FLOT2: variants seen among roughly 807,000 people sequenced by gnomAD.
FLOT2 encodes flotillin-2.
In FLOT2, 35 loss-of-function variants were observed where a neutral mutation model predicts 54.9. The ratio of observed to expected loss-of-function variants is 0.64; its 90% CI spans 0.49 to 0.84. The LOEUF is 0.84. FLOT2 is among the 40% of genes least tolerant of loss of function. The pLI is 0.00. For missense variants in FLOT2, 464 were observed against 572.1 expected, an observed-to-expected ratio of 0.81 and a Z score of 1.93; for synonymous variants, 207 against 228.9, an observed-to-expected ratio of 0.90 and a Z score of 0.86.
chr17:28,886,850 C>T (rs748078478), intron 2 of FLOT2, among the ~76,000 whole-genome samples: 17 of 152,182 alleles, frequency 1.1e-4, no homozygotes, highest in Non-Finnish European at 1.6e-4. Context: ...CAGGAGGGGC[C>T]ACCCCCACAG....
chr17:28,894,753 T>C (rs1322281632), intron 1 of FLOT2, among the ~76,000 whole-genome samples: 1 of 145,312 alleles, frequency 6.9e-6, no homozygotes, highest in Non-Finnish European at 1.5e-5. Context: ...GTGATCATGC[T>C]ACTGCACTCT....
intron 2 of FLOT2, among the ~76,000 whole-genome samples, chr17:28,888,062 CATG>C (rs2039579257): frequency 6.6e-6 from 1 of 152,198 alleles, no homozygotes; most frequent in African/African-American, 2.4e-5. Context: ...CTGGAATCTC[CATG>C]ATTTCCCCTG....
At position 28,880,280 on chromosome 17, in the gene FLOT2, A is replaced by T; in HGVS notation, c.*281T>A. On this transcript the variant is annotated 3_prime_UTR_variant, in exon 11 of 11. Transcript: ENST00000394908. ...CTTCAGCTTAATCTACATGATGTGC[A>T]TGGGGGAAAGAAAAAGACAGACAAA... is the stretch of plus-strand genomic sequence containing the variant. 7.5e-7 allele frequency: 1 copy of T among 1,340,492 alleles called. No individual in the cohort carries two copies. The highest frequency in any genetic ancestry group is 9.6e-7 in the Non-Finnish European group (1 of 1,044,484). The allele number at this position is 1,340,492 out of a possible 1,614,324, so 83.0% of individuals were successfully genotyped here.
rs372117540 is a variant in FLOT2 at position 28,881,321 on chromosome 17, C to T, written c.969G>A (p.Gly323=). Residue 323 remains glycine, a synonymous_variant, in exon 9 of 11, where the codon GGG becomes GGA. Coordinates refer to ENST00000394908, the MANE Select transcript of FLOT2 (RefSeq NM_004475.3). ...CCTCGATGACTGCCGCTTCCGCCTCCCCGATTTTGCGGATCTTCTCAGCCT... is the reference window on the plus strand; with the variant it reads ...CCTCGATGACTGCCGCTTCCGCCTCTCCGATTTTGCGGATCTTCTCAGCCT... ...QAEAEKIRKI[G]EAEAAVIEAM... 2 of 1,613,890 alleles carry T rather than the reference C, an allele frequency of 1.2e-6. No individual in the cohort carries two copies. The highest frequency in any genetic ancestry group is 1.3e-5 in the African/African-American group (1 of 75,062).
At chr17:28,888,666 C>G (rs2039589321) in intron 2 of FLOT2, among the ~76,000 whole-genome samples, 1 of 152,178 alleles carries the variant, frequency 6.6e-6, no homozygotes, top group South Asian at 2.1e-4. Flanking sequence ...CCTGAATTCT[C>G]TGGGACAGAA....
intron 1 of FLOT2, among the ~76,000 whole-genome samples, chr17:28,895,402 C>T (rs1357341836): frequency 6.6e-6 from 1 of 151,768 alleles, no homozygotes; most frequent in East Asian, 1.9e-4. Flanking sequence ...GAGATGCTTA[C>T]AAGCGTGCAT....
rs767986026 is a variant in FLOT2 at position 28,883,086 on chromosome 17, C to T, written c.346+22G>A. ...GGCTTAGGGGCCCCGTGAGGCTCCT[C>T]AAAGGCTGAACAGGGCCTCACCGAG... is the stretch of plus-strand genomic sequence containing the variant. On this transcript the variant is annotated intron_variant, in intron 4 of 10. Transcript: ENST00000394908. This position sits in a 1 kb window ranked among gnomAD's most constrained non-coding sequence, Gnocchi z 5.0. 1.2e-6 allele frequency: 2 copies of T among 1,613,302 alleles called. No homozygotes were observed. The highest frequency in any genetic ancestry group is 1.1e-5 in the South Asian group (1 of 91,076).
chr17:28,893,486 A>C (rs1443365047), intron 1 of FLOT2: 1 of 146,592 alleles, frequency 6.8e-6, no homozygotes, highest in Admixed American at 7.1e-5. Context: ...ATCACAGCTC[A>C]CTGCAGCTTT....
Position 28,883,267 on chromosome 17 carries a change from G to C in FLOT2, c.223-36C>G, listed in dbSNP as rs909791024. 6 of 1,612,514 alleles carry C rather than the reference G, an allele frequency of 3.7e-6. No individual in the cohort carries two copies. The African/African-American group carries it at 8.0e-5, about 22-fold the overall frequency. On this transcript the variant is annotated intron_variant, in intron 3 of 10. Transcript: ENST00000394908. This position sits in a 1 kb window ranked among gnomAD's most constrained non-coding sequence, Gnocchi z 5.0. ...CGACAAAGGCGCTTCAGCTAGGCTGGAGCGAGGCAGACAAAGGCCCCAGAC... is the reference window on the plus strand; with the variant it reads ...CGACAAAGGCGCTTCAGCTAGGCTGCAGCGAGGCAGACAAAGGCCCCAGAC...
rs2039508726 is a variant in FLOT2 at position 28,884,445 on chromosome 17, G to A, written c.132-130C>T. The A allele has an allele frequency of 1.6e-6, 1 of 617,652 alleles. No individual in the cohort carries two copies. The highest frequency in any genetic ancestry group is 2.9e-6 in the Non-Finnish European group (1 of 347,244). The allele number at this position is 617,652 out of a possible 1,614,324, so 38.3% of individuals were successfully genotyped here. ...AGGTGGAGGGAGGACTCTCCACGGG[G>A]CTGAGATGGGAGTGTCTGAGAAGGA... On this transcript the variant is annotated intron_variant, in intron 2 of 10. Transcript: ENST00000394908. This position sits in a 1 kb window ranked among gnomAD's most constrained non-coding sequence, Gnocchi z 5.1.
intron 1 of FLOT2, among the ~76,000 whole-genome samples, chr17:28,896,639 C>G (rs558436711): frequency 6.6e-6 from 1 of 152,158 alleles, no homozygotes; most frequent in African/African-American, 2.4e-5. Flanking sequence ...GCTTCTATCC[C>G]CTTCTATCTC....
Position 28,884,227 on chromosome 17 carries a change from G to A in FLOT2, c.220C>T (p.Gln74Ter). Reference protein sequence around the residue: ...GVALTVTGVAQVKIMTEKELL... With the variant: ...GVALTVTGVA ...GCAGGGCTGCTGAGTTACTATACCT[G>A]GGCGACACCCGTCACAGTTAAAGCT... Residue 74 changes from glutamine to a stop codon, truncating the protein, a stop_gained and splice_region_variant, in exon 3 of 11, where the codon CAG (glutamine) becomes TAG (stop). Coordinates refer to ENST00000394908, the MANE Select transcript of FLOT2 (RefSeq NM_004475.3). LOFTEE classifies it high-confidence loss of function. This position sits in a 1 kb window ranked among gnomAD's most constrained non-coding sequence, Gnocchi z 5.1. 1 of 1,610,598 alleles carries A rather than the reference G, an allele frequency of 6.2e-7. No homozygotes were observed. The highest frequency in any genetic ancestry group is 8.5e-7 in the Non-Finnish European group (1 of 1,177,030).
chr17:28,885,336 G>A (rs960644878), intron 2 of FLOT2, among the ~76,000 whole-genome samples: 2 of 152,208 alleles, frequency 1.3e-5, no homozygotes, highest in African/African-American at 4.8e-5. Flanking sequence ...TGCAGAGGGA[G>A]GGGGTGAGAA....
intron 1 of FLOT2, among the ~76,000 whole-genome samples, chr17:28,895,015 G>A (rs560716255): frequency 2.1e-5 from 3 of 144,822 alleles, no homozygotes; most frequent in Admixed American, 7.2e-5. Context: ...GGGCTCAAGC[G>A]ATCCTCCCAC....
chr17:28,886,741 GAGGA>G (rs1216750001), intron 2 of FLOT2, among the ~76,000 whole-genome samples: 1 of 152,190 alleles, frequency 6.6e-6, no homozygotes, highest in East Asian at 1.9e-4. Flanking sequence ...CCCTAAATCA[GAGGA>G]AGGAAGAGAG....
chr17:28,896,220 C>T lies in FLOT2; in HGVS notation c.49+1306G>A, dbSNP rs150498416. On this transcript the variant is annotated intron_variant, in intron 1 of 10. Transcript: ENST00000394908. ...GGCACAGAGCAACCCATCTCTGGGG[C>T]TCTTCTTGCCCCTCAGTCCCAAGAC... Among the ~76,000 whole-genome samples, 14 of 152,342 alleles carry T rather than the reference C, an allele frequency of 9.2e-5. No individual in the cohort carries two copies. The East Asian group carries it at 9.6e-4, about 10-fold the overall frequency.
chr17:28,880,035 G>A lies in FLOT2; in HGVS notation c.*526C>T, dbSNP rs2039420658. The A allele has an allele frequency of 2.0e-6, 2 of 991,878 alleles. No homozygotes were observed. Among genetic ancestry groups the A allele is most frequent in the Non-Finnish European group, 2.4e-6 (2 of 834,294 alleles). 61.4% of individuals were successfully genotyped at this position (991,878 alleles called of 1,614,324 possible). On this transcript the variant is annotated 3_prime_UTR_variant, in exon 11 of 11. Coordinates refer to ENST00000394908, the MANE Select transcript of FLOT2 (RefSeq NM_004475.3). ...GTCATGGCTGCCCAGACCTAGAGGG[G>A]CAGCAGCAGGTGAGGCTGTGGGCTT...
Position 28,897,634 on chromosome 17 carries a change from T to TGCAGCGCCG in FLOT2, c.-69_-61dup. On this transcript the variant is annotated 5_prime_UTR_variant, in exon 1 of 11. Transcript: ENST00000394908. The surrounding 1 kb of genome is among the most constrained non-coding windows in gnomAD (Gnocchi z 4.4). ...CAGACCCGGACAACAGCAGCGGGTC[T>TGCAGCGCCG]GCAGCGCCGGCCGCGCCCAGCCTAT... The TGCAGCGCCG allele has an allele frequency of 7.2e-7, 1 of 1,395,228 alleles. No homozygotes were observed. The highest frequency in any genetic ancestry group is 9.4e-7 in the Non-Finnish European group (1 of 1,058,746). 86.4% of individuals were successfully genotyped at this position (1,395,228 alleles called of 1,614,324 possible). A position where few individuals can be genotyped will look rare whatever the true frequency, so the allele number is the denominator to read the frequency against.
chr17:28,884,159 C>T lies in FLOT2; in HGVS notation c.222+66G>A. 1 of 1,206,618 alleles carries T rather than the reference C, an allele frequency of 8.3e-7. No individual in the cohort carries two copies. Among genetic ancestry groups the T allele is most frequent in the Non-Finnish European group, 1.2e-6 (1 of 811,142 alleles). 74.7% of individuals were successfully genotyped at this position (1,206,618 alleles called of 1,614,324 possible). A position where few individuals can be genotyped will look rare whatever the true frequency, so the allele number is the denominator to read the frequency against. On this transcript the variant is annotated intron_variant, in intron 3 of 10. Coordinates refer to ENST00000394908, the MANE Select transcript of FLOT2 (RefSeq NM_004475.3). This position sits in a 1 kb window ranked among gnomAD's most constrained non-coding sequence, Gnocchi z 5.1. ...CCCTGGCTGCTGTCCTCTCCTCCTC[C>T]CCCCGAACCCGAGTACGGGACCAGG...
Sources: allele counts gnomAD v4.1 joint callset (sites outside exome capture counted in the v4.1 genomes callset), GRCh38; gene constraint gnomAD v4.1.1; non-coding constraint Gnocchi (gnomAD v3.1); transcripts MANE v1.5; gene names NCBI Gene and HGNC (gene_info 2026-07-23, HGNC 2026-07-21).